Variants in KCNMB2 observed in about 807,000 individuals in gnomAD.
The protein encoded by KCNMB2 is calcium-activated potassium channel subunit beta-2.
In KCNMB2, 9 loss-of-function variants were observed where a neutral mutation model predicts 24.5. The ratio of observed to expected loss-of-function variants is 0.37; its 90% CI spans 0.22 to 0.64. The LOEUF (loss-of-function observed/expected upper bound fraction) is 0.64. Among genes scored for constraint, KCNMB2 ranks in the 30% least tolerant of loss-of-function variants. KCNMB2 has a pLI of 0.63. For missense variants in KCNMB2, 226 were observed against 284.3 expected (o/e 0.79, Z 1.47); for synonymous variants, 109 against 104.4 (o/e 1.04, Z -0.27).
chr3:178,798,894 A>T (rs779627093), intron 1 of KCNMB2, among the ~76,000 whole-genome samples: 2 of 152,128 alleles, frequency 1.3e-5, no homozygotes, highest in Non-Finnish European at 2.9e-5. Context: ...ATTAAAATTA[A>T]GAAAAAAAAA....
chr3:178,794,239 C>T (rs925688049), intron 1 of KCNMB2, among the ~76,000 whole-genome samples: 12 of 152,112 alleles, frequency 7.9e-5, no homozygotes, highest in Non-Finnish European at 1.5e-4. Context: ...TCTGTAGCTT[C>T]GTGTTCCCCT....
chr3:178,650,860 C>T (rs149134000), intron 1 of KCNMB2, among the ~76,000 whole-genome samples: 2 of 152,158 alleles, frequency 1.3e-5, no homozygotes, highest in East Asian at 1.9e-4. Flanking sequence ...AATTTAACAC[C>T]GCTTCATGCT....
At chr3:178,781,823 G>A (rs1216354337) in intron 1 of KCNMB2, among the ~76,000 whole-genome samples, 4 of 150,498 alleles carry the variant, frequency 2.7e-5, no homozygotes, top group Admixed American at 2.0e-4. Context: ...AAGTTTTAGG[G>A]TACATGTGCA....
intron 3 of KCNMB2, among the ~76,000 whole-genome samples, chr3:178,826,894 G>A (rs577700702): frequency 2.6e-5 from 4 of 152,298 alleles, no homozygotes; most frequent in African/African-American, 7.2e-5. Context: ...CCAAGTGGTC[G>A]TTGATTCCAA....
intron 1 of KCNMB2, among the ~76,000 whole-genome samples, chr3:178,550,724 G>A (rs1019296636): frequency 3.3e-5 from 5 of 152,082 alleles, no homozygotes; most frequent in Admixed American, 6.5e-5. Context: ...TTTGCCACTA[G>A]TGTGGCAATT....
At chr3:178,724,290 C>T (rs1416449784) in intron 1 of KCNMB2, among the ~76,000 whole-genome samples, 1 of 152,044 alleles carries the variant, frequency 6.6e-6, no homozygotes, top group Non-Finnish European at 1.5e-5. Context: ...TGTTTGTCGG[C>T]CACTGGTATG....
At chr3:178,568,712 C>T (rs1716617998) in intron 1 of KCNMB2, among the ~76,000 whole-genome samples, 1 of 149,570 alleles carries the variant, frequency 6.7e-6, no homozygotes, top group Non-Finnish European at 1.5e-5. Flanking sequence ...TGCATTTATC[C>T]TACCTGGAAT....
chr3:178,744,947 C>A (rs959657992), intron 1 of KCNMB2, among the ~76,000 whole-genome samples: 1 of 152,124 alleles, frequency 6.6e-6, no homozygotes, highest in African/African-American at 2.4e-5. Context: ...CCATAAAGCC[C>A]CACTTCAAAT....
intron 1 of KCNMB2, among the ~76,000 whole-genome samples, chr3:178,762,849 G>GGA (rs1220327735): frequency 1.2e-4 from 16 of 129,296 alleles, no homozygotes; most frequent in African/African-American, 4.6e-4. Context: ...TTACTGAGTT[G>GGA]AAAAAAAAAA....
At chr3:178,628,979 A>G (rs930506683) in intron 1 of KCNMB2, among the ~76,000 whole-genome samples, 8 of 152,202 alleles carry the variant, frequency 5.3e-5, no homozygotes, top group African/African-American at 1.9e-4. Flanking sequence ...CATCTCAACA[A>G]TATAAAAATA....
At chr3:178,673,528 C>G (rs1485874094) in intron 1 of KCNMB2, among the ~76,000 whole-genome samples, 4 of 151,980 alleles carry the variant, frequency 2.6e-5, no homozygotes, top group African/African-American at 9.7e-5. Flanking sequence ...AGCATCTGTG[C>G]CTATAAATTT....
chr3:178,590,001 C>T (rs760838138), intron 1 of KCNMB2, among the ~76,000 whole-genome samples: 13 of 152,090 alleles, frequency 8.5e-5, no homozygotes, highest in Non-Finnish European at 1.8e-4. Flanking sequence ...CTGTGTAAGA[C>T]GAAATCAAGT....
intron 1 of KCNMB2, among the ~76,000 whole-genome samples, chr3:178,559,319 C>T (rs1000066671): frequency 2.6e-5 from 4 of 151,776 alleles, no homozygotes; most frequent in Admixed American, 1.3e-4. Context: ...TAAAACATTG[C>T]GTGATGTTAA....
intron 1 of KCNMB2, chr3:178,558,895 C>T (rs982142008): frequency 2.0e-5 from 3 of 152,148 alleles, no homozygotes; most frequent in Non-Finnish European, 2.9e-5. Context: ...GCTCTTGGGT[C>T]GTCTCATGAG....
chr3:178,562,676 G>A (rs1440769656), intron 1 of KCNMB2, among the ~76,000 whole-genome samples: 1 of 152,158 alleles, frequency 6.6e-6, no homozygotes, highest in Non-Finnish European at 1.5e-5. Flanking sequence ...TGCATTGTAA[G>A]GAAATGTGCT....
chr3:178,589,144 T>C (rs1250486873), intron 1 of KCNMB2, among the ~76,000 whole-genome samples: 1 of 152,178 alleles, frequency 6.6e-6, no homozygotes, highest in Non-Finnish European at 1.5e-5. Context: ...ACAATCCTTA[T>C]CAAATAAATG....
intron 1 of KCNMB2, among the ~76,000 whole-genome samples, chr3:178,718,656 T>C (rs1722696956): frequency 6.6e-6 from 1 of 152,222 alleles, no homozygotes; most frequent in African/African-American, 2.4e-5. Flanking sequence ...ACTGGGAGAT[T>C]GCTCTAGACC....
At chr3:178,647,080 C>T (rs1464199947) in intron 1 of KCNMB2, among the ~76,000 whole-genome samples, 1 of 152,094 alleles carries the variant, frequency 6.6e-6, no homozygotes, top group Non-Finnish European at 1.5e-5. Context: ...TATAATCTAT[C>T]CAGTTCTAAC....
chr3:178,770,387 C>T (rs1712298601), intron 1 of KCNMB2, among the ~76,000 whole-genome samples: 1 of 152,212 alleles, frequency 6.6e-6, no homozygotes, highest in Non-Finnish European at 1.5e-5. Flanking sequence ...CTTCAGGTTA[C>T]CCTGATGTTG....
Sources: gnomAD v4.1 joint callset for allele counts (sites outside exome capture counted in the v4.1 genomes callset) on GRCh38, gnomAD v4.1.1 for gene constraint, MANE v1.5 for transcripts, NCBI Gene and HGNC (gene_info 2026-07-23, HGNC 2026-07-21) for gene names.